The following GRIN2A variants were observed in gnomAD, a reference collection of about 807,000 sequenced individuals.
GRIN2A encodes the protein glutamate ionotropic receptor NMDA type subunit 2A, also known as glutamate receptor ionotropic, NMDA 2A.
Under a neutral mutation model 113.4 loss-of-function variants are expected in GRIN2A, and 22 were observed. The observed-to-expected ratio is 0.19, with a 90% CI of 0.14 to 0.28. The LOEUF (loss-of-function observed/expected upper bound fraction) is 0.28. Ranked by LOEUF, GRIN2A falls within the 10% of genes least tolerant of loss-of-function variation. The pLI, the probability that GRIN2A is intolerant of heterozygous loss-of-function variation, is 1.00. For synonymous variants in GRIN2A, 827 were observed against 738.4 expected (o/e 1.12, Z -1.94); for missense variants, 1,502 against 1,887.0 (o/e 0.80, Z 3.78).
At chr16:10,042,094 A>G (rs190655517) in intron 2 of GRIN2A, among the ~76,000 whole-genome samples, 37 of 152,246 alleles carry the variant, frequency 2.4e-4, no homozygotes, top group Admixed American at 2.0e-3. Context: ...GTGGCTCCAA[A>G]AAAAGCACTC....
At chr16:10,068,826 G>C (rs974253769) in intron 2 of GRIN2A, among the ~76,000 whole-genome samples, 16 of 152,342 alleles carry the variant, frequency 1.1e-4, no homozygotes, top group Admixed American at 9.1e-4. Context: ...AAGCGACATT[G>C]AAGCAGAGAC....
At chr16:10,009,543 C>A (rs1449877507) in intron 2 of GRIN2A, among the ~76,000 whole-genome samples, 1 of 152,088 alleles carries the variant, frequency 6.6e-6, no homozygotes, top group South Asian at 2.1e-4. Context: ...AGACTCAGAC[C>A]AGGAAAGGCA....
intron 4 of GRIN2A, among the ~76,000 whole-genome samples, chr16:9,860,659 C>T (rs577518160): frequency 4.6e-5 from 7 of 152,090 alleles, no homozygotes; most frequent in Non-Finnish European, 7.4e-5. Flanking sequence ...CTAGAAGATT[C>T]GGAAGGCAGA....
intron 2 of GRIN2A, among the ~76,000 whole-genome samples, chr16:10,069,723 G>T (rs2099362767): frequency 6.6e-6 from 1 of 152,266 alleles, no homozygotes; most frequent in African/African-American, 2.4e-5. Flanking sequence ...GATATGCCCA[G>T]CCCAGGCTGG....
At position 9,768,831 on chromosome 16, in the gene GRIN2A, T is replaced by G. The variant is rs1339281920; in HGVS notation, c.2595+20A>C. ...TAAACCTGCTTGCAGTGCAAGAAAG[T>G]AGCCACCCGGTGTACTGACCCTGCT... On this transcript the variant is annotated intron_variant, in intron 12 of 12. Transcript: ENST00000330684. 6.4e-7 allele frequency: 1 copy of G among 1,557,990 alleles called. No homozygotes were observed. The highest frequency in any genetic ancestry group is 8.9e-7 in the Non-Finnish European group (1 of 1,128,944).
At chr16:10,127,227 GAAA>G (rs34065010) in intron 2 of GRIN2A, among the ~76,000 whole-genome samples, 4 of 146,006 alleles carry the variant, frequency 2.7e-5, no homozygotes, top group African/African-American at 7.6e-5. Flanking sequence ...ATTCAGTCTT[GAAA>G]AAAAAAAAAA....
At chr16:9,824,979 C>T (rs1467148370) in intron 9 of GRIN2A, among the ~76,000 whole-genome samples, 2 of 152,056 alleles carry the variant, frequency 1.3e-5, no homozygotes, top group East Asian at 3.9e-4. Flanking sequence ...CAGAGAGTTC[C>T]ACGTGCAAGC....
intron 2 of GRIN2A, among the ~76,000 whole-genome samples, chr16:10,085,519 C>A (rs961613391): frequency 6.6e-6 from 1 of 152,122 alleles, no homozygotes. Flanking sequence ...GTGCAGCCCC[C>A]GTAAACTGAC....
At chr16:10,077,927 A>G (rs1165758972) in intron 2 of GRIN2A, among the ~76,000 whole-genome samples, 1 of 152,100 alleles carries the variant, frequency 6.6e-6, no homozygotes, top group Non-Finnish European at 1.5e-5. Flanking sequence ...CTCCAAGGTA[A>G]ACTCAGGCCT....
At chr16:10,137,477 A>G (rs938929387) in intron 2 of GRIN2A, among the ~76,000 whole-genome samples, 7 of 152,192 alleles carry the variant, frequency 4.6e-5, no homozygotes, top group African/African-American at 1.4e-4. Context: ...ACCTGCCTCC[A>G]GTCCTTCCTG....
intron 10 of GRIN2A, among the ~76,000 whole-genome samples, chr16:9,815,413 CA>C (rs71157786): frequency 0.31 from 34,778 of 111,742 alleles, 3,944 homozygotes; most frequent in African/African-American, 0.35. Flanking sequence ...TAACAACAAC[CA>C]AAAAAAAAAA....
intron 2 of GRIN2A, among the ~76,000 whole-genome samples, chr16:10,058,831 AAGAC>A (rs1483269341): frequency 6.6e-6 from 1 of 152,244 alleles, no homozygotes; most frequent in Non-Finnish European, 1.5e-5. Flanking sequence ...CAAGGCCAAA[AAGAC>A]AGATGTGGTG....
At chr16:10,093,514 C>G (rs1184764808) in intron 2 of GRIN2A, among the ~76,000 whole-genome samples, 1 of 152,016 alleles carries the variant, frequency 6.6e-6, no homozygotes, top group African/African-American at 2.4e-5. Flanking sequence ...CACCTTCACT[C>G]AAGTGACAGT....
intron 2 of GRIN2A, among the ~76,000 whole-genome samples, chr16:10,113,479 C>A (rs1008513634): frequency 4.6e-5 from 7 of 152,202 alleles, no homozygotes; most frequent in Non-Finnish European, 1.0e-4. Flanking sequence ...GACTCACCAC[C>A]GTCCCCATAT....
At position 9,914,904 on chromosome 16, in the gene GRIN2A, GCTTTTTTTTTTTTTTTTTTTTTT is replaced by G. The variant is rs1376011550; in HGVS notation, c.1007+23032_1007+23054del. Among the ~76,000 whole-genome samples, 270 of 48,716 alleles carry G rather than the reference GCTTTTTTTTTTTTTTTTTTTTTT, an allele frequency of 5.5e-3. 2 individuals are homozygous for G. The highest frequency in any genetic ancestry group is 0.018 in the African/African-American group (248 of 14,170). 32.0% of individuals were successfully genotyped at this position (48,716 alleles called of 152,430 possible). ...TTATTTACAGCCTATTGATTATGCA[GCTTTTTTTTTTTTTTTTTTTTTT>G]TTTTTTTTTTTTTTTTTTTTTTTTA... is the stretch of plus-strand genomic sequence containing the variant. On this transcript the variant is annotated intron_variant, in intron 3 of 12. Transcript: ENST00000330684.
chr16:9,811,597 T>C (rs991759229), intron 10 of GRIN2A, among the ~76,000 whole-genome samples: 1 of 152,134 alleles, frequency 6.6e-6, no homozygotes, highest in African/African-American at 2.4e-5. Context: ...CTGTCTCTAC[T>C]AAAAGTGCAA....
intron 11 of GRIN2A, among the ~76,000 whole-genome samples, chr16:9,784,018 G>T (rs957197014): frequency 3.3e-5 from 5 of 152,014 alleles, no homozygotes; most frequent in Non-Finnish European, 5.9e-5. Context: ...CAAATAATGG[G>T]TACTGGGCTT....
intron 2 of GRIN2A, among the ~76,000 whole-genome samples, chr16:10,094,161 G>A (rs2142090254): frequency 6.6e-6 from 1 of 152,336 alleles, no homozygotes. Context: ...TAAGGAAAAT[G>A]ACTGGGTCCC....
At chr16:9,901,931 A>G (rs2043935548) in intron 3 of GRIN2A, among the ~76,000 whole-genome samples, 1 of 152,196 alleles carries the variant, frequency 6.6e-6, no homozygotes, top group African/African-American at 2.4e-5. Context: ...TAAGGGACTA[A>G]AATGTATTTA....
Sources: gnomAD v4.1 joint callset for allele counts (sites outside exome capture counted in the v4.1 genomes callset) on GRCh38, gnomAD v4.1.1 for gene constraint, MANE v1.5 for transcripts, NCBI Gene and HGNC (gene_info 2026-07-23, HGNC 2026-07-21) for gene names.